The following BICD2 variants were observed in gnomAD, a reference collection of about 807,000 sequenced individuals.
BICD2 encodes the protein BICD cargo adaptor 2, also known as protein bicaudal D homolog 2.
In BICD2, 25 loss-of-function variants were observed where a neutral mutation model predicts 72.9. The ratio of observed to expected loss-of-function variants is 0.34; its 90% CI spans 0.25 to 0.48. BICD2 has a LOEUF of 0.48. BICD2 is among the 20% of genes least tolerant of loss of function. The pLI is 0.99. For missense variants in BICD2, 894 were observed against 1,175.2 expected, an observed-to-expected ratio of 0.76 and a Z score of 3.50; for synonymous variants, 501 against 516.1, an observed-to-expected ratio of 0.97 and a Z score of 0.40.
chr9:92,764,656 G>A lies in BICD2; in HGVS notation c.89C>T (p.Ser30Phe), dbSNP rs1271773744. 1.3e-6 allele frequency: 2 copies of A among 1,592,044 alleles called. No homozygotes were observed. The highest frequency in any genetic ancestry group is 1.7e-6 in the Non-Finnish European group (2 of 1,171,816). ...ACGCGTGGTCTCGGCCAGCTCGTGG[G>A]ACAGCCGCTTCACCTCGGCGCGCAG... is the stretch of plus-strand genomic sequence containing the variant. ...EWLRAEVKRL[S>F]HELAETTREK... The change falls in exon 1 of 7, where the codon TCC (serine) becomes TTC (phenylalanine). Residue 30 changes from serine (S) to phenylalanine (F), a missense_variant. By Grantham distance (155) the Ser-to-Phe change is radical. Transcript: ENST00000356884. The surrounding 1 kb of genome is among the most constrained non-coding windows in gnomAD (Gnocchi z 5.5).
chr9:92,740,438 A>G (rs960174567), intron 1 of BICD2, among the ~76,000 whole-genome samples: 3 of 152,150 alleles, frequency 2.0e-5, no homozygotes, highest in Non-Finnish European at 2.9e-5. Context: ...GAGAAGGTAT[A>G]CAGAACAAAA....
In BICD2 at chr9:92,754,371, G is replaced by GT. The variant is rs367636066; in HGVS notation, c.240+10133dup. On this transcript the variant is annotated intron_variant, in intron 1 of 6. Coordinates refer to ENST00000356884, the MANE Select transcript of BICD2 (RefSeq NM_001003800.2). ...GGTGCAGGGCTCTGTGTACACTAGT[G>GT]TTTTTTGAGGAGAAAACTGTACGTA... 8.1e-3 allele frequency among the ~76,000 whole-genome samples: 1,228 copies of GT among 152,250 alleles called. 16 individuals are homozygous for GT. The highest frequency in any genetic ancestry group is 0.028 in the African/African-American group (1,174 of 41,544).
chr9:92,731,550 C>T (rs1003457625), intron 1 of BICD2, among the ~76,000 whole-genome samples: 2 of 151,940 alleles, frequency 1.3e-5, no homozygotes, highest in South Asian at 2.1e-4. Flanking sequence ...GTTTTCACAT[C>T]ATGGGCACTA....
intron 2 of BICD2, among the ~76,000 whole-genome samples, chr9:92,724,936 C>A (rs1219831396): frequency 2.6e-5 from 4 of 152,214 alleles, no homozygotes; most frequent in Admixed American, 6.5e-5. Flanking sequence ...TTCAACGCGG[C>A]CACCCAGCCG....
chr9:92,736,485 C>T (rs72758510), intron 1 of BICD2, among the ~76,000 whole-genome samples: 4,954 of 152,304 alleles, frequency 0.033, 110 homozygotes, highest in South Asian at 0.099. Context: ...GAACTGTACA[C>T]CCCTTTCCCA....
At chr9:92,716,267 G>T (rs980307570) in intron 6 of BICD2, among the ~76,000 whole-genome samples, 1 of 152,150 alleles carries the variant, frequency 6.6e-6, no homozygotes, top group Non-Finnish European at 1.5e-5. Context: ...CCTTTTGAGG[G>T]CACACAGAGC....
At chr9:92,721,356 C>G (rs1005922213) in intron 3 of BICD2, among the ~76,000 whole-genome samples, 1 of 152,132 alleles carries the variant, frequency 6.6e-6, no homozygotes, top group African/African-American at 2.4e-5. Flanking sequence ...GCACATGACA[C>G]CCAGACCTGG....
chr9:92,749,305 T>A (rs373920304), intron 1 of BICD2, among the ~76,000 whole-genome samples: 41 of 152,356 alleles, frequency 2.7e-4, no homozygotes, highest in African/African-American at 9.1e-4. Flanking sequence ...TGCAGGCCCA[T>A]CTGTCCCTCA....
intron 1 of BICD2, among the ~76,000 whole-genome samples, chr9:92,737,497 G>T (rs1416077217): frequency 6.6e-6 from 1 of 152,148 alleles, no homozygotes; most frequent in African/African-American, 2.4e-5. Context: ...CCCAGTGTGG[G>T]GCAGCGCGTG....
intron 1 of BICD2, among the ~76,000 whole-genome samples, chr9:92,747,769 C>T (rs1854045129): frequency 6.6e-6 from 1 of 152,186 alleles, no homozygotes; most frequent in Non-Finnish European, 1.5e-5. Context: ...CCCACGTCCA[C>T]CACACATCTG....
At position 92,764,259 on chromosome 9, in the gene BICD2, G is replaced by C. The variant is rs1245599135; in HGVS notation, c.240+246C>G. 6.6e-6 allele frequency among the ~76,000 whole-genome samples: 1 copy of C among 152,090 alleles called. No homozygotes were observed. The highest frequency in any genetic ancestry group is 2.4e-5 in the African/African-American group (1 of 41,430). On this transcript the variant is annotated intron_variant, in intron 1 of 6. Transcript: ENST00000356884. This position sits in a 1 kb window ranked among gnomAD's most constrained non-coding sequence, Gnocchi z 5.5. ...CGCCCAGGTCCGCACAGAAGCAGGC[G>C]GGCAGCTGCAGGAGGCGACAAGGCG...
intron 1 of BICD2, among the ~76,000 whole-genome samples, chr9:92,752,921 G>T (rs1359588037): frequency 6.6e-6 from 1 of 152,184 alleles, no homozygotes; most frequent in East Asian, 1.9e-4. Context: ...TATGGGTTAT[G>T]CACAGTAATT....
At chr9:92,743,355 C>CTTTTT (rs34165468) in intron 1 of BICD2, among the ~76,000 whole-genome samples, 5 of 112,230 alleles carry the variant, frequency 4.5e-5, no homozygotes, top group Non-Finnish European at 9.0e-5. Flanking sequence ...ACCATGCCAG[C>CTTTTT]TTTTTTTTTT....
intron 1 of BICD2, among the ~76,000 whole-genome samples, chr9:92,738,620 G>C (rs1473920220): frequency 6.6e-6 from 1 of 152,240 alleles, no homozygotes; most frequent in Non-Finnish European, 1.5e-5. Flanking sequence ...AACCTGTACA[G>C]GGAGTTGAAA....
In BICD2 at chr9:92,720,275, G is replaced by A. The variant is rs776420956; in HGVS notation, c.1062+25C>T. The A allele has an allele frequency of 3.2e-6, 5 of 1,586,554 alleles. No homozygotes were observed. The East Asian group carries it at 8.9e-5, about 28-fold the overall frequency. ...TGCAGACCTGGAGTGGGGACAGCGTGCCGAAGGCCCCACTGCCTGCTCACC... is the reference window on the plus strand; with the variant it reads ...TGCAGACCTGGAGTGGGGACAGCGTACCGAAGGCCCCACTGCCTGCTCACC... On this transcript the variant is annotated intron_variant, in intron 4 of 6. Transcript: ENST00000356884. This position sits in a 1 kb window ranked among gnomAD's most constrained non-coding sequence, Gnocchi z 5.4.
At chr9:92,756,543 G>A (rs1271627532) in intron 1 of BICD2, among the ~76,000 whole-genome samples, 4 of 150,024 alleles carry the variant, frequency 2.7e-5, no homozygotes, top group Admixed American at 2.0e-4. Context: ...TTACAGGCGT[G>A]AGCCACTGCG....
intron 1 of BICD2, among the ~76,000 whole-genome samples, chr9:92,751,721 C>T (rs1474913720): frequency 6.6e-6 from 1 of 151,626 alleles, no homozygotes; most frequent in Non-Finnish European, 1.5e-5. Flanking sequence ...GTTCTTACAT[C>T]AGTATGAACT....
chr9:92,728,944 G>C (rs1292344117), intron 2 of BICD2, 80 bp downstream of exon 2: 2 of 1,507,676 alleles, frequency 1.3e-6, no homozygotes, highest in East Asian at 4.7e-5. Flanking sequence ...GCCCAGCCCA[G>C]CCACCCACCA....
intron 1 of BICD2, among the ~76,000 whole-genome samples, chr9:92,746,995 G>A (rs191588561): frequency 1.9e-4 from 29 of 152,314 alleles, no homozygotes; most frequent in Admixed American, 1.0e-3. Context: ...GTCAAAGGCC[G>A]CCCTAAAAAA....
Sources: gnomAD v4.1 joint callset for allele counts (sites outside exome capture counted in the v4.1 genomes callset) on GRCh38, gnomAD v4.1.1 for gene constraint, Gnocchi (gnomAD v3.1) non-coding constraint, MANE v1.5 for transcripts, NCBI Gene and HGNC (gene_info 2026-07-23, HGNC 2026-07-21) for gene names.